The following SLC47A1 variants were observed in gnomAD, a reference collection of about 807,000 sequenced individuals.
SLC47A1 encodes solute carrier family 47 member 1.
In SLC47A1, 58 loss-of-function variants were observed where a neutral mutation model predicts 65.8. The ratio of observed to expected loss-of-function variants is 0.88; its 90% CI spans 0.71 to 1.10. SLC47A1 has a LOEUF of 1.10. Ranked by LOEUF, SLC47A1 falls within the 50% of genes least tolerant of loss-of-function variation. The pLI is 0.00. For missense variants in SLC47A1, 706 were observed against 719.2 expected (o/e 0.98, Z 0.21); for synonymous variants, 285 against 295.0 (o/e 0.97, Z 0.35).
chr17:19,571,662 T>G, intron 15 of SLC47A1, 90 bp downstream of exon 15: 1 of 930,700 alleles, frequency 1.1e-6, no homozygotes, highest in South Asian at 1.6e-5. Context: ...TGGAAAGTTC[T>G]TTTCTCATTT....
chr17:19,547,528 A>AT (rs552442327), intron 3 of SLC47A1, among the ~76,000 whole-genome samples: 147 of 150,804 alleles, frequency 9.7e-4, no homozygotes, highest in Non-Finnish European at 1.5e-3. Flanking sequence ...TTTAAATATA[A>AT]TTTTTTTTTA....
Position 19,560,190 on chromosome 17 carries a change from C to A in SLC47A1, c.924C>A (p.Val308=). Residue 308 remains valine, a splice_region_variant and synonymous_variant, in exon 11 of 17, where the codon GTC becomes GTA. Transcript: ENST00000270570. ...VYELAIIVYM[V]PAGFSVAASV... ...TGCAGGTTTCCTTTTTATTTTAGGT[C>A]CCTGCAGGCTTCAGTGTGGCTGCCA... 1 of 1,608,532 alleles carries A rather than the reference C, an allele frequency of 6.2e-7. No individual in the cohort carries two copies.
chr17:19,544,986 A>G (rs1916248953), intron 2 of SLC47A1, among the ~76,000 whole-genome samples: 1 of 152,216 alleles, frequency 6.6e-6, no homozygotes, highest in Non-Finnish European at 1.5e-5. Flanking sequence ...GGACACCTCA[A>G]ATCAGTCTCT....
chr17:19,578,196 A>G lies in SLC47A1; in HGVS notation c.*643A>G, dbSNP rs986342794. On this transcript the variant is annotated 3_prime_UTR_variant, in exon 17 of 17. Coordinates refer to ENST00000270570, the MANE Select transcript of SLC47A1 (RefSeq NM_018242.3). ...AGGTCTAGATCTAGGCACTGTGGAC[A>G]CTGAAAAACAGTTGGGAAATCTTTC... The G allele has an allele frequency of 1.1e-5, 4 of 359,486 alleles. No homozygotes were observed. Among genetic ancestry groups the G allele is most frequent in the East Asian group, 8.1e-5 (1 of 12,294 alleles). The allele number at this position is 359,486 out of a possible 1,614,324, so 22.3% of individuals were successfully genotyped here. A position where few individuals can be genotyped will look rare whatever the true frequency, so the allele number is the denominator to read the frequency against.
intron 10 of SLC47A1, among the ~76,000 whole-genome samples, chr17:19,558,204 T>C (rs73981548): frequency 0.071 from 10,780 of 152,276 alleles, 957 homozygotes; most frequent in African/African-American, 0.2. Context: ...TGTCCTTTAA[T>C]CTGGAACAGA....
At chr17:19,562,984 G>C (rs1183139286) in intron 12 of SLC47A1, among the ~76,000 whole-genome samples, 2 of 152,000 alleles carry the variant, frequency 1.3e-5, no homozygotes, top group Non-Finnish European at 2.9e-5. Context: ...AAAATCCTAA[G>C]AGACTACTTT....
intron 4 of SLC47A1, among the ~76,000 whole-genome samples, chr17:19,548,628 T>A (rs1916361036): frequency 6.6e-6 from 1 of 151,824 alleles, no homozygotes; most frequent in African/African-American, 2.4e-5. Flanking sequence ...GGCTCCCGAG[T>A]AGCTGAGATT....
Position 19,573,941 on chromosome 17 carries a change from TA to T in SLC47A1, c.1486+1084del, listed in dbSNP as rs759275895. Among the ~76,000 whole-genome samples the T allele has an allele frequency of 5.9e-5, 8 of 136,444 alleles. No homozygotes were observed. In the East Asian group the frequency reaches 1.1e-3, roughly 19 times the overall value. The allele number at this position is 136,444 out of a possible 152,430, so 89.5% of individuals were successfully genotyped here. A position where few individuals can be genotyped will look rare whatever the true frequency, so the allele number is the denominator to read the frequency against. On this transcript the variant is annotated intron_variant, in intron 16 of 16. Transcript: ENST00000270570. ...CATGCTTTTTTTTTTTTTTTTTTTT[TA>T]AAAGCAGTCTCACCCTATTGCCCAG...
intron 1 of SLC47A1, chr17:19,535,123 C>T (rs965489745): frequency 1.3e-5 from 2 of 152,332 alleles, no homozygotes; most frequent in African/African-American, 4.8e-5. Context: ...GCCATGCTTT[C>T]TCACAGACCA....
intron 15 of SLC47A1, among the ~76,000 whole-genome samples, chr17:19,572,533 G>A (rs971852305): frequency 6.6e-6 from 1 of 151,908 alleles, no homozygotes; most frequent in African/African-American, 2.4e-5. Context: ...TGTTGCGCAG[G>A]CTGGCCTTGA....
In SLC47A1 at chr17:19,533,946, G is replaced by A. The variant is rs754396350; in HGVS notation, c.7G>A (p.Ala3Thr). Residue 3 changes from alanine to threonine, a missense_variant, in exon 1 of 17, where the codon GCT (alanine) becomes ACT (threonine). Coordinates refer to ENST00000270570, the MANE Select transcript of SLC47A1 (RefSeq NM_018242.3). ...GCCGCAGCGCGCGAGTCACATGGAAGCTCCTGAGGAGCCCGCGCCAGTGCG... is the reference window on the plus strand; with the variant it reads ...GCCGCAGCGCGCGAGTCACATGGAAACTCCTGAGGAGCCCGCGCCAGTGCG... ME[A>T]PEEPAPVRGG... is the part of the protein sequence containing the mutation. 2.9e-5 allele frequency: 44 copies of A among 1,511,158 alleles called. No homozygotes were observed. Among genetic ancestry groups the A allele is most frequent in the Non-Finnish European group, 3.7e-5 (42 of 1,133,036 alleles). The allele number at this position is 1,511,158 out of a possible 1,614,324, so 93.6% of individuals were successfully genotyped here. A position where few individuals can be genotyped will look rare whatever the true frequency, so the allele number is the denominator to read the frequency against.
intron 6 of SLC47A1, among the ~76,000 whole-genome samples, chr17:19,552,662 G>A (rs953419033): frequency 1.9e-4 from 29 of 152,212 alleles, no homozygotes; most frequent in Non-Finnish European, 4.0e-4. Context: ...TAGGAGCCAC[G>A]AGCTGAGAGG....
Position 19,551,468 on chromosome 17 carries a change from G to A in SLC47A1, c.543G>A (p.Gln181=). ...YMLQVKYLLN[Q]GIVLPQIVTG... ...TACAAGTTAAATATTTGCTCAACCA[G>A]GTAATACTGACTGTTCTCTTCCTTT... The change falls in exon 6 of 17, where the codon CAG becomes CAA. Residue 181 remains glutamine (Q), a splice_region_variant and synonymous_variant. Transcript: ENST00000270570. 1 of 1,609,828 alleles carries A rather than the reference G, an allele frequency of 6.2e-7. No individual in the cohort carries two copies. Among genetic ancestry groups the A allele is most frequent in the Non-Finnish European group, 8.5e-7 (1 of 1,176,052 alleles).
intron 1 of SLC47A1, among the ~76,000 whole-genome samples, chr17:19,538,676 C>A (rs1207620249): frequency 2.6e-5 from 4 of 152,164 alleles, no homozygotes; most frequent in East Asian, 3.9e-4. Flanking sequence ...AGTTGCGAAA[C>A]CTCCTGGGCT....
At chr17:19,573,444 G>A (rs1017601863) in intron 16 of SLC47A1, among the ~76,000 whole-genome samples, 5 of 151,808 alleles carry the variant, frequency 3.3e-5, no homozygotes, top group African/African-American at 1.2e-4. Context: ...TTTCATTCAT[G>A]TTGTCTAGGC....
At position 19,577,465 on chromosome 17, in the gene SLC47A1, T is replaced by C. The variant is rs1388616294; in HGVS notation, c.1625T>C (p.Leu542Pro). 3.7e-6 allele frequency: 6 copies of C among 1,614,080 alleles called. No homozygotes were observed. Among genetic ancestry groups the C allele is most frequent in the Non-Finnish European group, 5.1e-6 (6 of 1,180,046 alleles). The change falls in exon 17 of 17, where the codon CTG (leucine) becomes CCG (proline). Residue 542 changes from leucine (L) to proline (P), a missense_variant. Coordinates refer to ENST00000270570, the MANE Select transcript of SLC47A1 (RefSeq NM_018242.3). ...QDGAKLSRKQ[L>P]VLRRGLLLLG... ...GGCGCTAAATTGTCCAGGAAACAGC[T>C]GGTGCTGCGGCGAGGGCTTCTGCTC...
chr17:19,571,605 C>T (rs773270876), intron 15 of SLC47A1, 33 bp downstream of exon 15: 137 of 1,547,764 alleles, frequency 8.9e-5, no homozygotes, highest in Non-Finnish European at 1.0e-4. Context: ...GGTAAAGGTT[C>T]CTCTCCTAGA....
At chr17:19,571,071 CTT>C (rs5819676) in intron 14 of SLC47A1, 27 of 143,298 alleles carry the variant, frequency 1.9e-4, no homozygotes, top group Non-Finnish European at 1.7e-4. Flanking sequence ...GTGATTTCTG[CTT>C]TTTTTTTTTT....
At position 19,542,450 on chromosome 17, in the gene SLC47A1, C is replaced by T. The variant is rs1235890466; in HGVS notation, c.193C>T (p.His65Tyr). The change falls in exon 2 of 17, where the codon CAC becomes TAC. Residue 65 changes from histidine to tyrosine, a missense_variant. By Grantham distance (83) the His-to-Tyr change is moderately conservative. Coordinates refer to ENST00000270570, the MANE Select transcript of SLC47A1 (RefSeq NM_018242.3). ...ISFISSVFCG[H>Y]LGKLELDAVT... ...CTTCATAAGCTCCGTGTTCTGTGGC[C>T]ACCTGGGCAAGCTGGAGCTGGATGC... 1.9e-6 allele frequency: 3 copies of T among 1,612,476 alleles called. No individual in the cohort carries two copies. Among genetic ancestry groups the T allele is most frequent in the East Asian group, 2.2e-5 (1 of 44,758 alleles).
Sources: allele counts gnomAD v4.1 joint callset (sites outside exome capture counted in the v4.1 genomes callset), GRCh38; gene constraint gnomAD v4.1.1; transcripts MANE v1.5; gene names NCBI Gene and HGNC (gene_info 2026-07-23, HGNC 2026-07-21).